Variants in ATP10B observed in about 807,000 individuals in gnomAD.
The protein encoded by ATP10B is phospholipid-transporting ATPase VB.
A neutral mutation model predicts 141.2 loss-of-function variants in ATP10B; 122 were observed. The ratio of observed to expected loss-of-function variants is 0.86; its 90% CI spans 0.75 to 1.00. ATP10B has a LOEUF of 1.00. Ranked by LOEUF, ATP10B falls within the 50% of genes least tolerant of loss-of-function variation. The probability of loss-of-function intolerance (pLI) is 0.00; values close to 1 mark genes in which losing one functional copy is unlikely to be tolerated. For synonymous variants in ATP10B, 685 were observed against 692.0 expected (o/e 0.99, Z 0.16); for missense variants, 1,876 against 1,825.3 (o/e 1.03, Z -0.51).
At chr5:160,813,263 G>GA (rs545891336) in intron 1 of ATP10B, among the ~76,000 whole-genome samples, 76 of 152,254 alleles carry the variant, frequency 5.0e-4, no homozygotes, top group Non-Finnish European at 8.8e-4. Flanking sequence ...ATGGCACCTG[G>GA]AAAATCGGGT....
chr5:160,572,099 A>AATTG (rs1444208978), intron 24 of ATP10B, among the ~76,000 whole-genome samples: 1 of 152,178 alleles, frequency 6.6e-6, no homozygotes, highest in Non-Finnish European at 1.5e-5. Flanking sequence ...CCCTTAAGAA[A>AATTG]AGCATTGGCT....
chr5:160,699,134 C>T (rs1177127796), intron 3 of ATP10B, among the ~76,000 whole-genome samples: 1 of 152,178 alleles, frequency 6.6e-6, no homozygotes, highest in Non-Finnish European at 1.5e-5. Context: ...AGCCTGATCT[C>T]CCAGGTATCT....
At chr5:160,595,947 G>A (rs942936998) in intron 22 of ATP10B, among the ~76,000 whole-genome samples, 7 of 151,990 alleles carry the variant, frequency 4.6e-5, no homozygotes, top group Admixed American at 6.6e-5. Flanking sequence ...ATTCACAGCC[G>A]AATTCTACCA....
intron 14 of ATP10B, 68 bp from the exon 15 acceptor site, chr5:160,621,018 C>A: frequency 6.6e-7 from 1 of 1,520,208 alleles, no homozygotes; most frequent in Non-Finnish European, 8.8e-7. Flanking sequence ...TTGTCTTATG[C>A]GGAATATGAA....
At chr5:160,670,435 C>A (rs1762605172) in intron 7 of ATP10B, 28 bp downstream of exon 7, 1 of 1,610,048 alleles carries the variant, frequency 6.2e-7, no homozygotes, top group Non-Finnish European at 8.5e-7. Context: ...TATGACTTTA[C>A]CATTGAAGAT....
intron 21 of ATP10B, among the ~76,000 whole-genome samples, chr5:160,602,029 T>G (rs1002910984): frequency 6.6e-6 from 1 of 152,194 alleles, no homozygotes; most frequent in Admixed American, 6.5e-5. Flanking sequence ...TCTGATACAG[T>G]TCAGACTAGC....
At chr5:160,604,064 T>G in intron 19 of ATP10B, 23 bp from the exon 20 acceptor site, 4 of 1,606,418 alleles carry the variant, frequency 2.5e-6, no homozygotes, top group Non-Finnish European at 2.6e-6. Context: ...TCATAACGTG[T>G]CTTTATTTTT....
intron 18 of ATP10B, 118 bp from the exon 19 acceptor site, chr5:160,607,204 C>T (rs909598244): frequency 9.6e-6 from 8 of 836,344 alleles, no homozygotes; most frequent in South Asian, 5.6e-5. Flanking sequence ...AGATTATTTA[C>T]AAGCTATTCT....
the ATP10B span, among the ~76,000 whole-genome samples, chr5:160,870,293 C>A: frequency 6.6e-6 from 1 of 151,840 alleles, no homozygotes; most frequent in South Asian, 2.1e-4. Context: ...CTTGCTAGTA[C>A]AATATTAAAG....
intron 1 of ATP10B, among the ~76,000 whole-genome samples, chr5:160,823,034 A>ATG (rs1774296940): frequency 7.5e-6 from 1 of 132,472 alleles, no homozygotes; most frequent in Non-Finnish European, 1.6e-5. Context: ...ATATATATAT[A>ATG]TAAAATAAAG....
intron 17 of ATP10B, among the ~76,000 whole-genome samples, chr5:160,613,411 C>T (rs1394594784): frequency 6.6e-6 from 1 of 152,180 alleles, no homozygotes; most frequent in East Asian, 1.9e-4. Flanking sequence ...AGAGCCTTGT[C>T]AGGGCCTCAA....
At position 160,653,543 on chromosome 5, in the gene ATP10B, T is replaced by C. The variant is rs185193349; in HGVS notation, c.676-4287A>G. On this transcript the variant is annotated intron_variant, in intron 7 of 25. Coordinates refer to ENST00000327245, the MANE Select transcript of ATP10B (RefSeq NM_025153.3). ...TATATATACATATATTACATATACA[T>C]ACATACATATATACATATATATTAC... is the stretch of plus-strand genomic sequence containing the variant. 1.6e-3 allele frequency among the ~76,000 whole-genome samples: 212 copies of C among 136,622 alleles called. 13 individuals carry two copies. The highest frequency in any genetic ancestry group is 5.5e-3 in the African/African-American group (204 of 37,048). The allele number at this position is 136,622 out of a possible 152,430, so 89.6% of individuals were successfully genotyped here. A position where few individuals can be genotyped will look rare whatever the true frequency, so the allele number is the denominator to read the frequency against.
chr5:160,709,696 T>G (rs1234132017), intron 3 of ATP10B, among the ~76,000 whole-genome samples: 1 of 136,870 alleles, frequency 7.3e-6, no homozygotes, highest in Admixed American at 7.2e-5. Context: ...GCCATGCTGG[T>G]GCGCTGCACC....
Position 160,602,626 on chromosome 5 carries a change from C to A in ATP10B, c.3314G>T (p.Cys1105Phe). ...CACCATCCTGGCCAGGCGCGAGTAA[C>A]ACCAGTGGCCATGCACGAGCAGCAA... ...KKLLLVHGHWCYSRLARMVVY... is the reference protein window; with the variant it reads ...KKLLLVHGHWFYSRLARMVVY... The change falls in exon 21 of 26, where the codon TGT becomes TTT. Residue 1105 changes from cysteine (C) to phenylalanine (F), a missense_variant. Coordinates refer to ENST00000327245, the MANE Select transcript of ATP10B (RefSeq NM_025153.3). 6.2e-7 allele frequency: 1 copy of A among 1,614,092 alleles called. No homozygotes were observed. Among genetic ancestry groups the A allele is most frequent in the Non-Finnish European group, 8.5e-7 (1 of 1,179,962 alleles).
chr5:160,885,368 A>G, the ATP10B span, among the ~76,000 whole-genome samples: 1 of 152,084 alleles, frequency 6.6e-6, no homozygotes, highest in Non-Finnish European at 1.5e-5. Flanking sequence ...AAAACTAGAG[A>G]AAAAGTGGTT....
the ATP10B span, among the ~76,000 whole-genome samples, chr5:160,905,593 G>A: frequency 2.6e-4 from 40 of 152,212 alleles, no homozygotes; most frequent in Non-Finnish European, 3.5e-4. Flanking sequence ...TCTGCAACAC[G>A]TTAAATAATA....
the ATP10B span, among the ~76,000 whole-genome samples, chr5:160,903,181 G>A: frequency 3.3e-5 from 5 of 152,144 alleles, no homozygotes; most frequent in African/African-American, 7.2e-5. Flanking sequence ...GCCCAGAAAC[G>A]TGCTTAGGGC....
chr5:160,915,835 C>A, the ATP10B span, among the ~76,000 whole-genome samples: 1 of 152,182 alleles, frequency 6.6e-6, no homozygotes, highest in African/African-American at 2.4e-5. Flanking sequence ...TCTCACACAC[C>A]TTTGCACACA....
chr5:160,758,220 G>A (rs967493123), intron 2 of ATP10B, among the ~76,000 whole-genome samples: 2 of 152,086 alleles, frequency 1.3e-5, no homozygotes, highest in African/African-American at 4.8e-5. Context: ...TAAACACTGG[G>A]TAGATAGCTG....
Sources: allele counts gnomAD v4.1 joint callset (sites outside exome capture counted in the v4.1 genomes callset), GRCh38; gene constraint gnomAD v4.1.1; transcripts MANE v1.5; gene names NCBI Gene and HGNC (gene_info 2026-07-23, HGNC 2026-07-21).